ELF1: variants seen among roughly 807,000 people sequenced by gnomAD.
ELF1 encodes the protein ETS-related transcription factor Elf-1.
In ELF1, 24 loss-of-function variants were observed where a neutral mutation model predicts 59.9. The observed-to-expected ratio is 0.40, with a 90% CI of 0.29 to 0.56. The LOEUF (loss-of-function observed/expected upper bound fraction) is 0.56. Ranked by LOEUF, ELF1 falls within the 20% of genes least tolerant of loss-of-function variation. ELF1 has a pLI of 0.44. For missense variants in ELF1, 627 were observed against 742.2 expected (o/e 0.84, Z 1.80); for synonymous variants, 248 against 266.2 (o/e 0.93, Z 0.67).
intron 2 of ELF1, among the ~76,000 whole-genome samples, chr13:40,972,319 C>A (rs997231989): frequency 6.6e-6 from 1 of 152,124 alleles, no homozygotes; most frequent in Non-Finnish European, 1.5e-5. Context: ...CAAACTATGT[C>A]GAAACAAATG....
chr13:41,038,481 C>T (rs1296392223), intron 1 of ELF1, among the ~76,000 whole-genome samples: 1 of 152,124 alleles, frequency 6.6e-6, no homozygotes, highest in Non-Finnish European at 1.5e-5. Context: ...GGCACCACTG[C>T]TCTCCAGTCT....
In ELF1 at chr13:41,019,209, C is replaced by A; in HGVS notation, c.-229+19G>T. On this transcript the variant is annotated intron_variant, in intron 1 of 8. Transcript: ENST00000239882. ...CAAGAAAAAGCCAGAAGCAAACATA[C>A]AAAATTGTAACAAGTTACCTTCAAG... 1 of 985,436 alleles carries A rather than the reference C, an allele frequency of 1.0e-6. No homozygotes were observed. 61.0% of individuals were successfully genotyped at this position (985,436 alleles called of 1,614,324 possible). A position where few individuals can be genotyped will look rare whatever the true frequency, so the allele number is the denominator to read the frequency against.
upstream of ELF1, among the ~76,000 whole-genome samples, chr13:41,020,984 C>T (rs7992178): frequency 0.84 from 128,212 of 152,092 alleles, 54,983 homozygotes; most frequent in Non-Finnish European, 0.91. Flanking sequence ...ACCCACCTTA[C>T]AAAACTAAAA....
intron 1 of ELF1, among the ~76,000 whole-genome samples, chr13:41,050,587 C>A (rs537271867): frequency 6.6e-6 from 1 of 152,112 alleles, no homozygotes; most frequent in East Asian, 1.9e-4. Context: ...GATGGAGTCT[C>A]GCTCTGTCAC....
Position 40,933,258 on chromosome 13 carries a change from G to C in ELF1, c.*167C>G, listed in dbSNP as rs1224814429. On this transcript the variant is annotated 3_prime_UTR_variant, in exon 9 of 9. Coordinates refer to ENST00000239882, the MANE Select transcript of ELF1 (RefSeq NM_172373.4). ...TTCTGAAACATTTAGATAACAAAGA[G>C]AAACAGTTGAGTTTTCCTCCCTCAT... 4.9e-6 allele frequency: 4 copies of C among 815,912 alleles called. No individual in the cohort carries two copies. Among genetic ancestry groups the C allele is most frequent in the South Asian group, 2.2e-5 (1 of 46,324 alleles). The allele number at this position is 815,912 out of a possible 1,614,324, so 50.5% of individuals were successfully genotyped here. A position where few individuals can be genotyped will look rare whatever the true frequency, so the allele number is the denominator to read the frequency against.
intron 4 of ELF1, among the ~76,000 whole-genome samples, chr13:40,950,431 A>C (rs1156534397): frequency 2.0e-5 from 3 of 152,100 alleles, no homozygotes; most frequent in Non-Finnish European, 2.9e-5. Flanking sequence ...CTCATTTCCC[A>C]CCCACCATGA....
chr13:40,937,950 A>T (rs1469169870), intron 8 of ELF1, among the ~76,000 whole-genome samples: 4 of 151,834 alleles, frequency 2.6e-5, no homozygotes, highest in Non-Finnish European at 4.4e-5. Flanking sequence ...CTGAGTAGCT[A>T]GGATTACAGG....
chr13:40,940,408 A>AAAAAAAAAAAC (rs1214647910), intron 8 of ELF1, among the ~76,000 whole-genome samples: 2 of 147,592 alleles, frequency 1.4e-5, no homozygotes, highest in African/African-American at 5.2e-5. Context: ...AAAAAAAAAA[A>AAAAAAAAAAAC]AAAAAAAAAA....
chr13:41,011,646 A>ATTT (rs1376562428), intron 1 of ELF1, among the ~76,000 whole-genome samples: 1 of 151,462 alleles, frequency 6.6e-6, no homozygotes, highest in East Asian at 1.9e-4. Flanking sequence ...GTTTCATCGT[A>ATTT]TTTTGCAGGC....
At chr13:41,059,806 C>A (rs1391850194) in intron 1 of ELF1, among the ~76,000 whole-genome samples, 1 of 152,174 alleles carries the variant, frequency 6.6e-6, no homozygotes, top group Non-Finnish European at 1.5e-5. Context: ...CCTCCCCAGT[C>A]TCCAGCCAAT....
At chr13:40,993,364 T>C in intron 1 of ELF1, 1 of 1,099,696 alleles carries the variant, frequency 9.1e-7, no homozygotes, top group Non-Finnish European at 1.4e-6. Context: ...GCCAGTTGCC[T>C]GCAGGTGTGG....
chr13:41,043,488 T>C (rs1876710075), intron 1 of ELF1, among the ~76,000 whole-genome samples: 1 of 152,240 alleles, frequency 6.6e-6, no homozygotes. Context: ...TTGTAAGGTA[T>C]AAGGAAGGGA....
intron 1 of ELF1, among the ~76,000 whole-genome samples, chr13:41,059,578 C>A (rs978477651): frequency 1.3e-5 from 2 of 152,148 alleles, no homozygotes; most frequent in African/African-American, 4.8e-5. Flanking sequence ...TGGCACTGAC[C>A]AGAAACCCAT....
At chr13:40,967,871 G>A (rs1351758863) in intron 2 of ELF1, among the ~76,000 whole-genome samples, 11 of 152,098 alleles carry the variant, frequency 7.2e-5, no homozygotes, top group African/African-American at 2.7e-4. Flanking sequence ...GGGATTATAG[G>A]TGTGAGCCAC....
At chr13:40,955,304 G>A (rs574307872) in intron 3 of ELF1, among the ~76,000 whole-genome samples, 37 of 144,562 alleles carry the variant, frequency 2.6e-4, no homozygotes, top group African/African-American at 4.1e-4. Flanking sequence ...CCGGCCAGCC[G>A]CCCCGTCCGG....
chr13:41,026,380 A>G (rs1875912232), intron 1 of ELF1, among the ~76,000 whole-genome samples: 1 of 152,212 alleles, frequency 6.6e-6, no homozygotes, highest in Non-Finnish European at 1.5e-5. Context: ...CTCCGGCCCA[A>G]TTACCAAGTG....
At chr13:41,044,876 C>T (rs372895686) in intron 1 of ELF1, among the ~76,000 whole-genome samples, 1 of 152,146 alleles carries the variant, frequency 6.6e-6, no homozygotes, top group Non-Finnish European at 1.5e-5. Flanking sequence ...ATGGTACCAG[C>T]TCCTCCTTGT....
At chr13:41,058,764 G>C (rs1350003501) in intron 1 of ELF1, among the ~76,000 whole-genome samples, 2 of 152,200 alleles carry the variant, frequency 1.3e-5, no homozygotes, top group African/African-American at 2.4e-5. Context: ...CCTGAGGTCA[G>C]GGGTTCGAGA....
chr13:40,960,862 TC>T (rs1208922581), intron 2 of ELF1, among the ~76,000 whole-genome samples: 1 of 152,250 alleles, frequency 6.6e-6, no homozygotes, highest in Non-Finnish European at 1.5e-5. Context: ...TAAACACTTC[TC>T]TATAAAGAAT....
Sources: allele counts gnomAD v4.1 joint callset (sites outside exome capture counted in the v4.1 genomes callset), GRCh38; gene constraint gnomAD v4.1.1; transcripts MANE v1.5; gene names NCBI Gene and HGNC (gene_info 2026-07-23, HGNC 2026-07-21).